Variants in P2RY8 observed in about 807,000 individuals in gnomAD.
P2RY8 encodes S-geranylgeranyl-glutathione receptor P2RY8.
P2RY8 carries 6 observed loss-of-function variants against 10.0 expected under a neutral mutation model. The observed-to-expected ratio is 0.60, with a 90% CI of 0.33 to 1.19. The LOEUF (loss-of-function observed/expected upper bound fraction) is 1.19. Among genes scored for constraint, P2RY8 ranks in the 50% most tolerant of loss-of-function variants. The pLI, the probability that P2RY8 is intolerant of heterozygous loss-of-function variation, is 0.04. For synonymous variants in P2RY8, 276 were observed against 252.5 expected (o/e 1.09, Z -0.88); for missense variants, 456 against 542.0 (o/e 0.84, Z 1.58).
In P2RY8 at chrX:1,463,855, G is replaced by C. The variant is rs1326038210; in HGVS notation, c.*1624C>G. On this transcript the variant is annotated 3_prime_UTR_variant, in exon 2 of 2. Transcript: ENST00000381297. ...GTGTCTCCTCTTCCGTCTCTCATAG[G>C]GACACTGGATTGGGCCCATTGTAAA... is the stretch of plus-strand genomic sequence containing the variant. 4.3e-6 allele frequency: 1 copy of C among 233,150 alleles called. No individual in the cohort carries two copies. Among genetic ancestry groups the C allele is most frequent in the Non-Finnish European group, 8.5e-6 (1 of 118,070 alleles). The allele number at this position is 233,150 out of a possible 1,614,324, so 14.4% of individuals were successfully genotyped here. A position where few individuals can be genotyped will look rare whatever the true frequency, so the allele number is the denominator to read the frequency against.
chrX:1,484,893 C>A (rs2091973312), intron 1 of P2RY8, among the ~76,000 whole-genome samples: 2 of 151,556 alleles, frequency 1.3e-5, no homozygotes, highest in Non-Finnish European at 1.5e-5. Context: ...ATGTCATGCA[C>A]CAATTCTCCT....
chrX:1,470,593 C>T (rs1186923147), intron 1 of P2RY8, among the ~76,000 whole-genome samples: 2 of 152,010 alleles, frequency 1.3e-5, no homozygotes, highest in Non-Finnish European at 1.5e-5. Flanking sequence ...CCCTGTGAAC[C>T]TCAAATCTGC....
chrX:1,479,577 G>A, intron 1 of P2RY8, among the ~76,000 whole-genome samples: 1 of 152,158 alleles, frequency 6.6e-6, no homozygotes, highest in East Asian at 1.9e-4. Flanking sequence ...AATGGAAGAA[G>A]AAAGAAATAA....
intron 1 of P2RY8, among the ~76,000 whole-genome samples, chrX:1,478,976 C>G (rs1418557345): frequency 6.6e-6 from 1 of 152,160 alleles, no homozygotes; most frequent in Non-Finnish European, 1.5e-5. Flanking sequence ...CTTCCAGGTT[C>G]CCACATTCCA....
intron 1 of P2RY8, among the ~76,000 whole-genome samples, chrX:1,502,940 TG>T (rs1443988869): frequency 4.6e-5 from 7 of 151,660 alleles, no homozygotes; most frequent in Non-Finnish European, 8.8e-5. Context: ...CAGCGGATCC[TG>T]GAAAGATATG....
At position 1,486,117 on chromosome X, in the gene P2RY8, C is replaced by T. The variant is rs772744907; in HGVS notation, c.-24-19535G>A. Among the ~76,000 whole-genome samples the T allele has an allele frequency of 2.0e-5, 3 of 152,296 alleles. No homozygotes were observed. In the South Asian group the frequency reaches 6.2e-4, roughly 32 times the overall value. On this transcript the variant is annotated intron_variant, in intron 1 of 1. Coordinates refer to ENST00000381297, the MANE Select transcript of P2RY8 (RefSeq NM_178129.5). The stretch of plus-strand genomic sequence containing the variant: ...CCTGTCATCCCAGCCACTTGGGAGG[C>T]TGAGGCAGGAGAATCGCTTGAACCC...
intron 1 of P2RY8, among the ~76,000 whole-genome samples, chrX:1,519,990 T>C (rs1258553040): frequency 1.3e-5 from 2 of 148,640 alleles, no homozygotes; most frequent in Admixed American, 6.7e-5. Flanking sequence ...GATCTCCAAT[T>C]ATCACCTTGG....
chrX:1,490,984 C>T (rs1193841903), intron 1 of P2RY8, among the ~76,000 whole-genome samples: 2 of 148,790 alleles, frequency 1.3e-5, no homozygotes, highest in African/African-American at 5.0e-5. Flanking sequence ...ATGAATGATA[C>T]CCAGATATTC....
At chrX:1,507,930 G>A (rs762438564) in intron 1 of P2RY8, among the ~76,000 whole-genome samples, 51 of 152,212 alleles carry the variant, frequency 3.4e-4, no homozygotes, top group Admixed American at 3.1e-3. Flanking sequence ...CACACCCCAC[G>A]TCTTTGCAGC....
intron 1 of P2RY8, among the ~76,000 whole-genome samples, chrX:1,507,179 G>A (rs1190755371): frequency 4.6e-5 from 7 of 151,876 alleles, no homozygotes; most frequent in South Asian, 2.1e-4. Context: ...AAGCCCTTGC[G>A]TACATGCAAC....
chrX:1,481,814 G>A (rs1161215942), intron 1 of P2RY8, among the ~76,000 whole-genome samples: 1 of 152,198 alleles, frequency 6.6e-6, no homozygotes, highest in Non-Finnish European at 1.5e-5. Context: ...GGCGTCAGGG[G>A]ATAGAGGACC....
intron 1 of P2RY8, among the ~76,000 whole-genome samples, chrX:1,469,896 C>T (rs1170497554): frequency 6.6e-6 from 1 of 152,010 alleles, no homozygotes; most frequent in Non-Finnish European, 1.5e-5. Context: ...GAGCGAGACT[C>T]TGTCTCAAAA....
chrX:1,515,117 C>G (rs1354552991), intron 1 of P2RY8, among the ~76,000 whole-genome samples: 1 of 151,100 alleles, frequency 6.6e-6, no homozygotes, highest in South Asian at 2.1e-4. Flanking sequence ...CCATATGTTG[C>G]CCAGGCTGGT....
At chrX:1,513,810 G>A (rs1243863830) in intron 1 of P2RY8, among the ~76,000 whole-genome samples, 2 of 151,148 alleles carry the variant, frequency 1.3e-5, no homozygotes, top group African/African-American at 4.9e-5. Context: ...GCGTCCCTGG[G>A]CTTGTGGCCC....
intron 1 of P2RY8, among the ~76,000 whole-genome samples, chrX:1,530,157 GATCTATCTATCTATCT>G (rs1179030530): frequency 1.9e-3 from 81 of 42,556 alleles, no homozygotes; most frequent in African/African-American, 2.7e-3. Context: ...ATGTATGTAT[GATCTATCTATCTATCT>G]ATCTATCTAT....
intron 1 of P2RY8, among the ~76,000 whole-genome samples, chrX:1,509,796 C>CAT (rs1556682883): frequency 0.038 from 3,961 of 103,668 alleles, 205 homozygotes; most frequent in Non-Finnish European, 0.06. Context: ...ATGTATCCAT[C>CAT]CTATCTATCT....
intron 1 of P2RY8, among the ~76,000 whole-genome samples, chrX:1,487,175 C>T (rs1361824619): frequency 6.6e-6 from 1 of 152,174 alleles, no homozygotes; most frequent in African/African-American, 2.4e-5. Flanking sequence ...CACGGTGTCC[C>T]TCAGGGAGCC....
chrX:1,523,351 C>G (rs2092406787), intron 1 of P2RY8, among the ~76,000 whole-genome samples: 1 of 152,060 alleles, frequency 6.6e-6, no homozygotes, highest in Non-Finnish European at 1.5e-5. Context: ...AATATTCTCC[C>G]TGGTACCTAA....
At chrX:1,496,474 T>G (rs2092117709) in intron 1 of P2RY8, among the ~76,000 whole-genome samples, 2 of 152,030 alleles carry the variant, frequency 1.3e-5, no homozygotes, top group African/African-American at 4.8e-5. Flanking sequence ...AGAGGGTTTC[T>G]CTCTCTCTCC....
Sources: gnomAD v4.1 joint callset for allele counts (sites outside exome capture counted in the v4.1 genomes callset) on GRCh38, gnomAD v4.1.1 for gene constraint, MANE v1.5 for transcripts, NCBI Gene and HGNC (gene_info 2026-07-23, HGNC 2026-07-21) for gene names.